Variants in WNK1 observed in about 807,000 individuals in gnomAD.
WNK1 encodes the protein serine/threonine-protein kinase WNK1.
A neutral mutation model predicts 222.8 loss-of-function variants in WNK1; 38 were observed. That is an observed-to-expected ratio of 0.17 (90% CI 0.13 to 0.22). The LOEUF (loss-of-function observed/expected upper bound fraction) is 0.22, where lower values mean the gene tolerates loss of function less well. Ranked by LOEUF, WNK1 falls within the 10% of genes least tolerant of loss-of-function variation. The pLI is 1.00. For missense variants in WNK1, 2,348 were observed against 2,918.4 expected (o/e 0.80, Z 4.50); for synonymous variants, 1,090 against 1,092.9 (o/e 1.00, Z 0.05).
chr12:904,439 T>C lies in WNK1; in HGVS notation c.6644-3408T>C. On this transcript the variant is annotated intron_variant, in intron 26 of 27. Transcript: ENST00000315939. ...CTTTATCTTTAACACATTGCTTCTC[T>C]CTTTGTGCTTCAGGGAAGATGGTGA... 2.3e-6 allele frequency: 3 copies of C among 1,288,986 alleles called. No homozygotes were observed. The South Asian group carries it at 3.7e-5, about 16-fold the overall frequency. 79.8% of individuals were successfully genotyped at this position (1,288,986 alleles called of 1,614,324 possible).
chr12:784,524 G>A (rs1164337927), intron 1 of WNK1, among the ~76,000 whole-genome samples: 1 of 151,896 alleles, frequency 6.6e-6, no homozygotes, highest in African/African-American at 2.4e-5. Context: ...TTTAAAAATA[G>A]CATTATTGAA....
intron 8 of WNK1, chr12:869,328 G>A: frequency 1.3e-5 from 8 of 598,284 alleles, no homozygotes; most frequent in South Asian, 4.7e-5. Flanking sequence ...GAAAACCAGT[G>A]GAAAAAACAC....
chr12:891,923 G>A (rs1954277218), intron 22 of WNK1, among the ~76,000 whole-genome samples: 1 of 149,682 alleles, frequency 6.7e-6, no homozygotes, highest in East Asian at 2.0e-4. Context: ...GTGAGACCCT[G>A]TCTCAAAAAA....
intron 2 of WNK1, among the ~76,000 whole-genome samples, chr12:814,450 A>G (rs1947174288): frequency 6.6e-6 from 1 of 152,216 alleles, no homozygotes; most frequent in South Asian, 2.1e-4. Flanking sequence ...GCTTTGCTAT[A>G]TCCCTGCAAC....
chr12:774,140 A>T (rs1049967661), intron 1 of WNK1, among the ~76,000 whole-genome samples: 1 of 152,146 alleles, frequency 6.6e-6, no homozygotes, highest in African/African-American at 2.4e-5. Flanking sequence ...TGACATGCCC[A>T]TTTATGTAAG....
chr12:869,033 C>T, intron 8 of WNK1: 2 of 1,612,632 alleles, frequency 1.2e-6, no homozygotes, highest in African/African-American at 1.3e-5. Flanking sequence ...CTTCTGTTTC[C>T]CCCAAGGAAC....
intron 17 of WNK1, 89 bp downstream of exon 17, chr12:883,920 C>A: frequency 6.5e-7 from 1 of 1,548,560 alleles, no homozygotes. Context: ...CCCAGCTACT[C>A]AGGAGGCCGA....
chr12:761,981 C>T (rs2153926553), intron 1 of WNK1, among the ~76,000 whole-genome samples: 1 of 147,242 alleles, frequency 6.8e-6, no homozygotes, highest in South Asian at 2.2e-4. Context: ...TTCACAAATG[C>T]ACAAGTCTCT....
At chr12:762,444 ATGT>A (rs1436901158) in intron 1 of WNK1, among the ~76,000 whole-genome samples, 1 of 147,576 alleles carries the variant, frequency 6.8e-6, no homozygotes, top group Non-Finnish European at 1.5e-5. Flanking sequence ...TTTAAAATTC[ATGT>A]TGTTTTTTAT....
intron 1 of WNK1, among the ~76,000 whole-genome samples, chr12:779,553 C>T (rs892787952): frequency 3.3e-5 from 5 of 151,960 alleles, no homozygotes; most frequent in East Asian, 1.9e-4. Flanking sequence ...TACAGGTGCG[C>T]GCCGCACCTG....
Position 753,651 on chromosome 12 carries a change from C to T in WNK1, c.86C>T (p.Ser29Phe). The change falls in exon 1 of 28, where the codon TCC (serine) becomes TTC (phenylalanine). Residue 29 changes from serine (S) to phenylalanine (F), a missense_variant. Coordinates refer to ENST00000315939, the MANE Select transcript of WNK1 (RefSeq NM_018979.4). This position sits in a 1 kb window ranked among gnomAD's most constrained non-coding sequence, Gnocchi z 5.2. The part of the protein sequence containing the change: ...SPPAPAPKNG[S>F]SSDSSVGEKL... ...CCGGCTCCTGCCCCCAAGAATGGCT[C>T]CAGCTCCGATTCCTCCGTGGGGGAG... The T allele has an allele frequency of 6.2e-7, 1 of 1,612,678 alleles. No individual in the cohort carries two copies. Among genetic ancestry groups the T allele is most frequent in the Non-Finnish European group, 8.5e-7 (1 of 1,179,916 alleles).
Position 818,950 on chromosome 12 carries a change from G to C in WNK1, c.932+5136G>C, listed in dbSNP as rs75547841. ...AATATTTGTGCAGAAGTATTTTTTT[G>C]AGTACCTGTTTTCATTTCTTTTGGC... is the stretch of plus-strand genomic sequence containing the variant. On this transcript the variant is annotated intron_variant, in intron 2 of 27. Coordinates refer to ENST00000315939, the MANE Select transcript of WNK1 (RefSeq NM_018979.4). Among the ~76,000 whole-genome samples, 781 of 152,148 alleles carry C rather than the reference G, an allele frequency of 5.1e-3. 10 individuals carry two copies. The highest frequency in any genetic ancestry group is 0.018 in the African/African-American group (729 of 41,512).
chr12:885,633 T>G lies in WNK1; in HGVS notation c.4829T>G (p.Val1610Gly), dbSNP rs1254126180. 1 of 1,614,174 alleles carries G rather than the reference T, an allele frequency of 6.2e-7. No individual in the cohort carries two copies. Among genetic ancestry groups the G allele is most frequent in the Non-Finnish European group, 8.5e-7 (1 of 1,180,024 alleles). The change falls in exon 19 of 28, where the codon GTG becomes GGG. Residue 1610 changes from valine to glycine, a missense_variant. Transcript: ENST00000315939. ...IPPLVQPVAN[V>G]PAVQQTLIHS... ...CCCTTGGTACAGCCTGTTGCCAATG[T>G]GCCTGCTGTACAGCAGACACTAATT...
intron 22 of WNK1, among the ~76,000 whole-genome samples, chr12:891,547 A>G (rs1020480362): frequency 6.6e-5 from 10 of 151,952 alleles, no homozygotes; most frequent in African/African-American, 2.2e-4. Context: ...TGGACCAAAG[A>G]TGAAATATTA....
chr12:767,552 G>T (rs1169892376), intron 1 of WNK1, among the ~76,000 whole-genome samples: 6 of 151,842 alleles, frequency 4.0e-5, no homozygotes, highest in African/African-American at 1.5e-4. Context: ...CGCCTGGCCG[G>T]GTTGATAGGG....
At chr12:781,254 GA>G (rs1943675077) in intron 1 of WNK1, 1 of 154,260 alleles carries the variant, frequency 6.5e-6, no homozygotes, top group Non-Finnish European at 1.4e-5. Flanking sequence ...ACAATTTTTG[GA>G]AGAATGAAAA....
At chr12:778,656 A>T (rs1465498377) in intron 1 of WNK1, among the ~76,000 whole-genome samples, 6 of 130,748 alleles carry the variant, frequency 4.6e-5, no homozygotes, top group South Asian at 2.4e-4. Flanking sequence ...TTTTTTTTTT[A>T]AAGTCATTCG....
At chr12:820,785 G>C (rs1947802118) in intron 2 of WNK1, among the ~76,000 whole-genome samples, 1 of 152,068 alleles carries the variant, frequency 6.6e-6, no homozygotes, top group Non-Finnish European at 1.5e-5. Context: ...CATTCTTTGG[G>C]ATTTTTATAT....
At chr12:870,311 G>A (rs556847729) in intron 8 of WNK1, among the ~76,000 whole-genome samples, 1 of 152,214 alleles carries the variant, frequency 6.6e-6, no homozygotes, top group South Asian at 2.1e-4. Context: ...TTAATGTATT[G>A]CCAGTAATTA....
Sources: allele counts gnomAD v4.1 joint callset (sites outside exome capture counted in the v4.1 genomes callset), GRCh38; gene constraint gnomAD v4.1.1; non-coding constraint Gnocchi (gnomAD v3.1); transcripts MANE v1.5; gene names NCBI Gene and HGNC (gene_info 2026-07-23, HGNC 2026-07-21).